Variants in TMEM131L observed in about 807,000 individuals in gnomAD.
The protein encoded by TMEM131L is transmembrane 131 like, also known as transmembrane protein 131-like.
A neutral mutation model predicts 192.2 loss-of-function variants in TMEM131L; 54 were observed. The ratio of observed to expected loss-of-function variants is 0.28; its 90% CI spans 0.23 to 0.35. The LOEUF (loss-of-function observed/expected upper bound fraction) is 0.35. Among genes scored for constraint, TMEM131L ranks in the 10% least tolerant of loss-of-function variants. The pLI is 1.00. For missense variants in TMEM131L, 1,888 were observed against 1,972.9 expected (o/e 0.96, Z 0.82); for synonymous variants, 701 against 704.9 (o/e 0.99, Z 0.09).
intron 26 of TMEM131L, among the ~76,000 whole-genome samples, chr4:153,613,253 T>C (rs1732758479): frequency 6.6e-6 from 1 of 152,234 alleles, no homozygotes; most frequent in Admixed American, 6.5e-5. Flanking sequence ...TAAAGGTCTC[T>C]TGTTGAGGTT....
In TMEM131L at chr4:153,592,617, G is replaced by A. The variant is rs1161548567; in HGVS notation, c.1922+33G>A. 7.2e-6 allele frequency: 10 copies of A among 1,390,006 alleles called. No individual in the cohort carries two copies. The Admixed American group carries it at 1.0e-4, about 14-fold the overall frequency. The allele number at this position is 1,390,006 out of a possible 1,614,324, so 86.1% of individuals were successfully genotyped here. A position where few individuals can be genotyped will look rare whatever the true frequency, so the allele number is the denominator to read the frequency against. On this transcript the variant is annotated intron_variant, in intron 18 of 34. Transcript: ENST00000409959. Reference sequence around the variant, plus strand: ...GACTTTTTTTCTGAGAGGCAGTTTGGGAAGTACTTGGGAAGACTTAGAATT... The same window carrying A: ...GACTTTTTTTCTGAGAGGCAGTTTGAGAAGTACTTGGGAAGACTTAGAATT...
chr4:153,590,234 A>G (rs1469757486), intron 16 of TMEM131L, among the ~76,000 whole-genome samples: 2 of 152,134 alleles, frequency 1.3e-5, no homozygotes, highest in Admixed American at 6.5e-5. Context: ...ATACTTTTTA[A>G]AAGTTCAGGC....
At chr4:153,635,627 C>T (rs1317703546) in intron 34 of TMEM131L, 56 bp downstream of exon 34, 81 of 1,591,294 alleles carry the variant, frequency 5.1e-5, no homozygotes, top group Non-Finnish European at 6.1e-5. Context: ...ATTGTTTCCA[C>T]TGCTTCCTTA....
intron 3 of TMEM131L, among the ~76,000 whole-genome samples, chr4:153,499,428 G>T (rs538018580): frequency 7.0e-6 from 1 of 142,200 alleles, no homozygotes; most frequent in East Asian, 2.1e-4. Flanking sequence ...AGATCTTTAT[G>T]ATTTTTTTTT....
intron 3 of TMEM131L, among the ~76,000 whole-genome samples, chr4:153,545,503 G>A (rs1737107719): frequency 6.6e-6 from 1 of 151,976 alleles, no homozygotes; most frequent in African/African-American, 2.4e-5. Flanking sequence ...TAGTCAAGAT[G>A]GTCTCGATCT....
At position 153,636,091 on chromosome 4, in the gene TMEM131L, G is replaced by T. The variant is rs576802667; in HGVS notation, c.4558-210G>T. ...TATTTGGCCTGTGGGTTCTTCCCCG[G>T]GTTGCAAATAAGTTCATCCCATTAG... On this transcript the variant is annotated intron_variant, in intron 34 of 34. Transcript: ENST00000409959. Among the ~76,000 whole-genome samples the T allele has an allele frequency of 2.6e-5, 4 of 152,118 alleles. No individual in the cohort carries two copies. In the East Asian group the frequency reaches 7.7e-4, roughly 29 times the overall value.
chr4:153,516,472 C>T (rs900676769), intron 3 of TMEM131L, among the ~76,000 whole-genome samples: 1 of 152,174 alleles, frequency 6.6e-6, no homozygotes, highest in Non-Finnish European at 1.5e-5. Flanking sequence ...TCAAACAATT[C>T]ACCTGCCTCA....
chr4:153,570,235 A>T (rs1314562208), intron 7 of TMEM131L, among the ~76,000 whole-genome samples: 5 of 152,200 alleles, frequency 3.3e-5, no homozygotes, highest in South Asian at 2.1e-4. Flanking sequence ...CATCCAAAAA[A>T]ATTGGAAAAC....
chr4:153,575,693 T>C (rs1178115361), intron 7 of TMEM131L, among the ~76,000 whole-genome samples: 1 of 152,192 alleles, frequency 6.6e-6, no homozygotes, highest in Non-Finnish European at 1.5e-5. Context: ...AAAAGTTGTT[T>C]ATAGAGTTAC....
intron 4 of TMEM131L, among the ~76,000 whole-genome samples, chr4:153,550,714 T>C (rs1737556440): frequency 8.2e-6 from 1 of 121,728 alleles, no homozygotes; most frequent in Non-Finnish European, 1.5e-5. Flanking sequence ...ACAAATCCGG[T>C]TATTTTATAA....
intron 3 of TMEM131L, among the ~76,000 whole-genome samples, chr4:153,508,747 C>T (rs901589030): frequency 1.9e-4 from 29 of 150,566 alleles, no homozygotes; most frequent in African/African-American, 6.9e-4. Flanking sequence ...TGGGATCAAG[C>T]GATCCTCCCA....
chr4:153,634,062 A>T, intron 32 of TMEM131L, 130 bp from the exon 33 acceptor site: 1 of 744,582 alleles, frequency 1.3e-6, no homozygotes, highest in Non-Finnish European at 2.4e-6. Context: ...TTGAGAAAGT[A>T]CATCTTTTAT....
chr4:153,576,079 C>T (rs892062657), intron 7 of TMEM131L, among the ~76,000 whole-genome samples: 3 of 152,062 alleles, frequency 2.0e-5, no homozygotes, highest in Non-Finnish European at 4.4e-5. Flanking sequence ...CCTGCCTCAG[C>T]CTCCCGAGTA....
At chr4:153,575,988 C>T (rs1169912846) in intron 7 of TMEM131L, among the ~76,000 whole-genome samples, 3 of 149,858 alleles carry the variant, frequency 2.0e-5, no homozygotes, top group African/African-American at 7.4e-5. Flanking sequence ...GAGATGAAGT[C>T]TCACGCTGTT....
intron 24 of TMEM131L, 137 bp downstream of exon 24, chr4:153,603,589 C>A: frequency 9.5e-7 from 1 of 1,057,402 alleles, no homozygotes; most frequent in Non-Finnish European, 1.3e-6. Flanking sequence ...ATTATGTGAA[C>A]AGCTGCCCCA....
chr4:153,540,885 A>C (rs1372925997), intron 3 of TMEM131L, among the ~76,000 whole-genome samples: 2 of 152,212 alleles, frequency 1.3e-5, no homozygotes, highest in African/African-American at 4.8e-5. Context: ...TTATCTGCTT[A>C]GGGTTCGTGT....
At chr4:153,625,890 A>ATGTT (rs527392399) in intron 29 of TMEM131L, among the ~76,000 whole-genome samples, 2,173 of 152,334 alleles carry the variant, frequency 0.014, 16 homozygotes, top group Non-Finnish European at 0.021. Flanking sequence ...CCTGGGCAAC[A>ATGTT]GAGTGAGACT....
chr4:153,531,205 A>T (rs1459026524), intron 3 of TMEM131L, among the ~76,000 whole-genome samples: 7 of 152,088 alleles, frequency 4.6e-5, no homozygotes. Flanking sequence ...TATTCCTCAA[A>T]CACAGATTCC....
chr4:153,566,939 C>T (rs1037447289), intron 7 of TMEM131L, among the ~76,000 whole-genome samples: 3 of 152,226 alleles, frequency 2.0e-5, no homozygotes, highest in Admixed American at 1.3e-4. Flanking sequence ...CCCTCGTGCC[C>T]GCCTGCCAGG....
Sources: allele counts gnomAD v4.1 joint callset (sites outside exome capture counted in the v4.1 genomes callset), GRCh38; gene constraint gnomAD v4.1.1; transcripts MANE v1.5; gene names NCBI Gene and HGNC (gene_info 2026-07-23, HGNC 2026-07-21).